EHBP1: variants seen among roughly 807,000 people sequenced by gnomAD.
EHBP1 encodes EH domain binding protein 1, also known as EH domain-binding protein 1.
Under a neutral mutation model 144.0 loss-of-function variants are expected in EHBP1, and 55 were observed. The ratio of observed to expected loss-of-function variants is 0.38; its 90% CI spans 0.31 to 0.48. The LOEUF (loss-of-function observed/expected upper bound fraction) is 0.48, where lower values mean the gene tolerates loss of function less well. Among genes scored for constraint, EHBP1 ranks in the 20% least tolerant of loss-of-function variants. The pLI is 0.98. For missense variants in EHBP1, 1,200 were observed against 1,364.2 expected, an observed-to-expected ratio of 0.88 and a Z score of 1.90; for synonymous variants, 469 against 472.7, an observed-to-expected ratio of 0.99 and a Z score of 0.10.
chr2:62,770,101 A>G (rs925886910), intron 4 of EHBP1, among the ~76,000 whole-genome samples: 4 of 152,194 alleles, frequency 2.6e-5, no homozygotes, highest in Admixed American at 2.0e-4. Context: ...TCCTGAACAT[A>G]GGAACTGGCA....
At chr2:62,995,281 C>T (rs2059586352) in intron 18 of EHBP1, among the ~76,000 whole-genome samples, 2 of 151,822 alleles carry the variant, frequency 1.3e-5, no homozygotes, top group African/African-American at 4.8e-5. Context: ...ATCAAACTAT[C>T]CTGAGAAATT....
intron 7 of EHBP1, among the ~76,000 whole-genome samples, chr2:62,857,707 C>T (rs1337143953): frequency 1.3e-5 from 2 of 152,064 alleles, no homozygotes; most frequent in African/African-American, 2.4e-5. Flanking sequence ...GTGATAATTT[C>T]ACATATTCAG....
At chr2:62,956,431 T>C (rs2057698806) in intron 14 of EHBP1, among the ~76,000 whole-genome samples, 1 of 152,176 alleles carries the variant, frequency 6.6e-6, no homozygotes. Context: ...GCCAGGTTGG[T>C]CACCTTGTTG....
At chr2:62,832,878 C>T (rs1395738392) in intron 7 of EHBP1, among the ~76,000 whole-genome samples, 1 of 152,048 alleles carries the variant, frequency 6.6e-6, no homozygotes, top group African/African-American at 2.4e-5. Flanking sequence ...CATGTATTTT[C>T]CTTTAAATAA....
At chr2:62,926,273 A>C (rs1334336779) in intron 10 of EHBP1, among the ~76,000 whole-genome samples, 1 of 152,110 alleles carries the variant, frequency 6.6e-6, no homozygotes, top group African/African-American at 2.4e-5. Flanking sequence ...TACTAGTAGA[A>C]GACATAGTGG....
intron 10 of EHBP1, among the ~76,000 whole-genome samples, chr2:62,913,257 T>C (rs1477490922): frequency 6.6e-6 from 1 of 152,198 alleles, no homozygotes; most frequent in African/African-American, 2.4e-5. Flanking sequence ...ATCAGTATAT[T>C]CAATTATAAT....
chr2:62,734,757 G>A (rs972328551), intron 2 of EHBP1, among the ~76,000 whole-genome samples: 13 of 151,944 alleles, frequency 8.6e-5, no homozygotes, highest in Admixed American at 3.3e-4. Flanking sequence ...GTATGTGTGC[G>A]TGCATGTGTG....
chr2:62,771,207 T>A, intron 4 of EHBP1, 132 bp from the exon 5 acceptor site: 2 of 498,814 alleles, frequency 4.0e-6, no homozygotes, highest in South Asian at 4.7e-5. Flanking sequence ...AAGAAAAGAG[T>A]AGGCTATTCT....
chr2:62,859,431 C>T, intron 8 of EHBP1, 140 bp downstream of exon 8: 1 of 765,476 alleles, frequency 1.3e-6, no homozygotes, highest in East Asian at 2.9e-5. Context: ...TTCAATACCA[C>T]TTGGAGTTGA....
chr2:62,865,087 G>A, intron 9 of EHBP1, 116 bp downstream of exon 9: 2 of 1,167,064 alleles, frequency 1.7e-6, no homozygotes, highest in South Asian at 3.1e-5. Flanking sequence ...TTATAAGTCA[G>A]TATCTAACTC....
intron 2 of EHBP1, among the ~76,000 whole-genome samples, chr2:62,718,925 C>T (rs2035942954): frequency 1.3e-5 from 2 of 151,432 alleles, no homozygotes; most frequent in African/African-American, 4.9e-5. Flanking sequence ...GGTTTGTTCT[C>T]TTCCATATAA....
chr2:62,979,927 G>A (rs2058887542), intron 15 of EHBP1, among the ~76,000 whole-genome samples: 1 of 152,130 alleles, frequency 6.6e-6, no homozygotes, highest in Admixed American at 6.5e-5. Context: ...TAACTTCAGA[G>A]ATGCTCAATT....
chr2:62,885,365 A>G (rs1420018), intron 10 of EHBP1, among the ~76,000 whole-genome samples: 109,574 of 152,034 alleles, frequency 0.72, 40,263 homozygotes, highest in African/African-American at 0.87. Flanking sequence ...ATTGATTTCC[A>G]TGTTTGTAAA....
At chr2:62,976,426 CTATT>C (rs1302303256) in intron 14 of EHBP1, among the ~76,000 whole-genome samples, 2 of 152,166 alleles carry the variant, frequency 1.3e-5, no homozygotes, top group African/African-American at 2.4e-5. Flanking sequence ...AGGCAACAGA[CTATT>C]TAATGTGGTT....
chr2:62,953,170 T>A (rs2057484252), intron 13 of EHBP1, among the ~76,000 whole-genome samples: 1 of 129,868 alleles, frequency 7.7e-6, no homozygotes, highest in Non-Finnish European at 1.5e-5. Context: ...TGAGCCGAGC[T>A]GGCGCCATTG....
intron 15 of EHBP1, among the ~76,000 whole-genome samples, chr2:62,984,996 G>A (rs1379348149): frequency 2.0e-5 from 3 of 151,810 alleles, no homozygotes; most frequent in Non-Finnish European, 2.9e-5. Flanking sequence ...CTGTTTACTC[G>A]GGCTGGAGAG....
At chr2:62,703,695 C>T (rs1396487438), upstream of EHBP1, among the ~76,000 whole-genome samples, 1 of 152,174 alleles carries the variant, frequency 6.6e-6, no homozygotes, top group South Asian at 2.1e-4. Flanking sequence ...TCATAAGAAA[C>T]TATCAGTCTC....
At chr2:62,757,426 CTTTTTTTTTT>C (rs555494268) in intron 3 of EHBP1, among the ~76,000 whole-genome samples, 1 of 113,036 alleles carries the variant, frequency 8.8e-6, no homozygotes, top group Non-Finnish European at 1.8e-5. Flanking sequence ...TTTTTTTTTT[CTTTTTTTTTT>C]TTTTTTTTTG....
At chr2:63,010,720 T>C (rs1051551538) in intron 19 of EHBP1, among the ~76,000 whole-genome samples, 4 of 151,746 alleles carry the variant, frequency 2.6e-5, no homozygotes, top group Non-Finnish European at 5.9e-5. Context: ...TTTTTAAAAA[T>C]AGATGTCCAT....
Sources: allele counts gnomAD v4.1 joint callset (sites outside exome capture counted in the v4.1 genomes callset), GRCh38; gene constraint gnomAD v4.1.1; transcripts MANE v1.5; gene names NCBI Gene and HGNC (gene_info 2026-07-23, HGNC 2026-07-21).